The following CD300LF variants were observed in gnomAD, a reference collection of about 807,000 sequenced individuals.
The protein encoded by CD300LF is CMRF35-like molecule 1.
A neutral mutation model predicts 32.2 loss-of-function variants in CD300LF; 27 were observed. That is an observed-to-expected ratio of 0.84 (90% confidence interval 0.62 to 1.15). The LOEUF is 1.15. CD300LF is among the 50% of genes most tolerant of loss of function. CD300LF has a pLI of 0.00. For synonymous variants in CD300LF, 139 were observed against 143.2 expected (o/e 0.97, Z 0.21); for missense variants, 348 against 356.8 (o/e 0.98, Z 0.20).
chr17:74,704,424 G>GACC, intron 2 of CD300LF, 54 bp downstream of exon 2: 1 of 1,280,750 alleles, frequency 7.8e-7, no homozygotes, highest in East Asian at 2.3e-5. Flanking sequence ...GGACCTCAGA[G>GACC]ACCAGGACAG....
chr17:74,709,155 C>A (rs1179070685), intron 1 of CD300LF, among the ~76,000 whole-genome samples: 1 of 151,144 alleles, frequency 6.6e-6, no homozygotes, highest in Non-Finnish European at 1.5e-5. Context: ...ACCCAGGAGG[C>A]GGAGGTTGCA....
rs111797936 is a variant in CD300LF, at chr17:74,698,412, G to A, written c.516C>T (p.Ala172=). The A allele has an allele frequency of 9.3e-5, 150 of 1,613,800 alleles. No individual in the cohort carries two copies. Among genetic ancestry groups the A allele is most frequent in the Admixed American group, 1.5e-4 (9 of 59,978 alleles). Reference sequence around the variant, plus strand: ...TCATCCTCCAAGCCAAGAGTGAGGCGGCCACCAAAAGCAGCAGCAATATGG... The same window carrying A: ...TCATCCTCCAAGCCAAGAGTGAGGCAGCCACCAAAAGCAGCAGCAATATGG... ...IFTILLLLLV[A]ASLLAWRMMK... is the part of the protein sequence containing the mutation. Residue 172 remains alanine, a synonymous_variant, in exon 4 of 7, where the codon GCC becomes GCT. Coordinates refer to ENST00000326165, the MANE Select transcript of CD300LF (RefSeq NM_139018.5).
chr17:74,696,048 C>T (rs2032436267), intron 5 of CD300LF, 147 bp downstream of exon 5: 1 of 1,269,128 alleles, frequency 7.9e-7, no homozygotes, highest in Non-Finnish European at 1.1e-6. Flanking sequence ...TCCAGGCCCT[C>T]AGCCCCCAGG....
At position 74,703,105 on chromosome 17, in the gene CD300LF, A is replaced by G. The variant is rs778098380; in HGVS notation, c.383-7T>C. ...TCTTCTTGGGTGACTGGTGCTGTAA[A>G]CGTAGTGGAGGTAGGCGTGGTGGGG... On this transcript the variant is annotated splice_polypyrimidine_tract_variant and splice_region_variant and intron_variant, in intron 2 of 6. Transcript: ENST00000326165. 6.2e-7 allele frequency: 1 copy of G among 1,613,906 alleles called. No individual in the cohort carries two copies. Among genetic ancestry groups the G allele is most frequent in the South Asian group, 1.1e-5 (1 of 91,070 alleles).
intron 4 of CD300LF, 37 bp downstream of exon 4, chr17:74,698,332 G>T (rs2032707395): frequency 1.4e-6 from 2 of 1,438,976 alleles, no homozygotes; most frequent in East Asian, 2.3e-5. Context: ...CAGCCACCCG[G>T]CCCAGTCTCA....
At position 74,704,760 on chromosome 17, in the gene CD300LF, C is replaced by T; in HGVS notation, c.100G>A (p.Gly34Ser). ...GPTTVNGLERGSLTVQCVYRS... is the reference protein window; with the variant it reads ...GPTTVNGLERSSLTVQCVYRS... ...TAAACACACTGCACGGTCAAGGAGC[C>T]CCGCTCCAAGCCATTCACTGTTGTT... The change falls in exon 2 of 7, where the codon GGC becomes AGC. Residue 34 changes from glycine to serine, a missense_variant. Coordinates refer to ENST00000326165, the MANE Select transcript of CD300LF (RefSeq NM_139018.5). The T allele has an allele frequency of 6.2e-7, 1 of 1,614,126 alleles. No homozygotes were observed. Among genetic ancestry groups the T allele is most frequent in the Non-Finnish European group, 8.5e-7 (1 of 1,180,036 alleles).
At chr17:74,711,315 G>A (rs116798213) in intron 1 of CD300LF, among the ~76,000 whole-genome samples, 236 of 152,172 alleles carry the variant, frequency 1.6e-3, no homozygotes, top group African/African-American at 5.4e-3. Flanking sequence ...CTCCCAACAC[G>A]ACTCTCACAT....
At position 74,696,388 on chromosome 17, in the gene CD300LF, G is replaced by A. The variant is rs34792609; in HGVS notation, c.560-171C>T. 1.6e-3 allele frequency among the ~76,000 whole-genome samples: 243 copies of A among 152,264 alleles called. 2 individuals are homozygous for A. Among genetic ancestry groups the A allele is most frequent in the Non-Finnish European group, 1.1e-3 (75 of 68,014 alleles). On this transcript the variant is annotated intron_variant, in intron 4 of 6. Transcript: ENST00000326165. ...TCAGATGACACAGTCTGTGACATTCGTCATGTCACCTCTCTGACCTTTCAC... is the reference window on the plus strand; with the variant it reads ...TCAGATGACACAGTCTGTGACATTCATCATGTCACCTCTCTGACCTTTCAC...
At chr17:74,698,653 G>A in intron 3 of CD300LF, 172 bp from the exon 4 acceptor site, 2 of 1,442,674 alleles carry the variant, frequency 1.4e-6, no homozygotes, top group Non-Finnish European at 1.8e-6. Flanking sequence ...TTTACAATGA[G>A]TACACATAGA....
Position 74,695,141 on chromosome 17 carries a change from C to A in CD300LF, c.828G>T (p.Arg276Ser). ...MGHLSSHLPG[R>S]GPEEPTEYST... ...TGTATTCCGTGGGCTCCTCAGGGCCCCTGCCGGGGAGGTGGCTACTGAGGT... is the reference window on the plus strand; with the variant it reads ...TGTATTCCGTGGGCTCCTCAGGGCCACTGCCGGGGAGGTGGCTACTGAGGT... Residue 276 changes from arginine (R) to serine (S), a missense_variant, in exon 7 of 7, where the codon AGG (arginine) becomes AGT (serine). Coordinates refer to ENST00000326165, the MANE Select transcript of CD300LF (RefSeq NM_139018.5). 6.2e-7 allele frequency: 1 copy of A among 1,614,158 alleles called. No individual in the cohort carries two copies. The highest frequency in any genetic ancestry group is 1.3e-5 in the African/African-American group (1 of 75,052).
chr17:74,696,964 G>A (rs921608491), intron 4 of CD300LF, among the ~76,000 whole-genome samples: 11 of 151,868 alleles, frequency 7.2e-5, no homozygotes, highest in African/African-American at 1.5e-4. Context: ...GTTTTGAGAT[G>A]GAGTTTCTCT....
At chr17:74,704,393 G>C in intron 2 of CD300LF, 85 bp downstream of exon 2, 2 of 982,792 alleles carry the variant, frequency 2.0e-6, no homozygotes, top group Non-Finnish European at 3.1e-6. Flanking sequence ...ATCACTCAGT[G>C]ACAATTAAAT....
chr17:74,708,642 C>T (rs1035319771), intron 1 of CD300LF, among the ~76,000 whole-genome samples: 1 of 152,210 alleles, frequency 6.6e-6, no homozygotes. Context: ...GGAGGCTGGA[C>T]GCGGTGGCTT....
chr17:74,708,414 C>A (rs1232387984), intron 1 of CD300LF, among the ~76,000 whole-genome samples: 1 of 152,062 alleles, frequency 6.6e-6, no homozygotes, highest in African/African-American at 2.4e-5. Flanking sequence ...AATCCCAAAT[C>A]CATTTCACGA....
intron 2 of CD300LF, 23 bp downstream of exon 2, chr17:74,704,455 C>G (rs772488930): frequency 1.3e-6 from 2 of 1,543,642 alleles, no homozygotes; most frequent in Non-Finnish European, 1.8e-6. Flanking sequence ...GAGAGACACA[C>G]ACATATATAC....
At chr17:74,698,715 G>A in intron 3 of CD300LF, 1 of 1,032,662 alleles carries the variant, frequency 9.7e-7, no homozygotes. Context: ...GAGGATGGAG[G>A]GTGGGAGGAA....
At chr17:74,710,341 AAGTT>A (rs149463529) in intron 1 of CD300LF, among the ~76,000 whole-genome samples, 3,545 of 152,306 alleles carry the variant, frequency 0.023, 48 homozygotes, top group Non-Finnish European at 0.033. Flanking sequence ...AAAGGGAAAA[AAGTT>A]AGAGAAAATT....
intron 1 of CD300LF, among the ~76,000 whole-genome samples, 200 bp from the exon 2 acceptor site, chr17:74,705,016 A>C (rs1407513823): frequency 2.0e-5 from 3 of 152,234 alleles, no homozygotes; most frequent in Non-Finnish European, 1.5e-5. Context: ...GAAGAGCACA[A>C]CAACGGATCC....
intron 3 of CD300LF, among the ~76,000 whole-genome samples, chr17:74,699,799 C>T (rs1335135102): frequency 2.6e-5 from 4 of 152,128 alleles, no homozygotes; most frequent in East Asian, 3.9e-4. Flanking sequence ...CCACAGCAGC[C>T]GGGGGGCCTG....
Sources: allele counts gnomAD v4.1 joint callset (sites outside exome capture counted in the v4.1 genomes callset), GRCh38; gene constraint gnomAD v4.1.1; transcripts MANE v1.5; gene names NCBI Gene and HGNC (gene_info 2026-07-23, HGNC 2026-07-21).